Variants in WDR49 observed in about 807,000 individuals in gnomAD.
The protein encoded by WDR49 is WD repeat domain 49.
A neutral mutation model predicts 119.5 loss-of-function variants in WDR49; 107 were observed. The observed-to-expected ratio is 0.90, with a 90% CI of 0.77 to 1.05. The LOEUF is 1.05. Ranked by LOEUF, WDR49 falls within the 50% of genes least tolerant of loss-of-function variation. WDR49 has a pLI of 0.00. For missense variants in WDR49, 1,240 were observed against 1,220.5 expected, an observed-to-expected ratio of 1.02 and a Z score of -0.24; for synonymous variants, 425 against 418.8, an observed-to-expected ratio of 1.01 and a Z score of -0.18.
chr3:167,608,618 G>C (rs1716178307), intron 5 of WDR49, among the ~76,000 whole-genome samples: 1 of 152,102 alleles, frequency 6.6e-6, no homozygotes, highest in African/African-American at 2.4e-5. Flanking sequence ...AAAGGTGAGA[G>C]AAAAGCCATT....
intron 2 of WDR49, among the ~76,000 whole-genome samples, chr3:167,648,705 T>C (rs1194983692): frequency 1.3e-5 from 2 of 152,154 alleles, no homozygotes; most frequent in South Asian, 4.1e-4. Context: ...TGCTGGCCAA[T>C]GGGATGTGAG....
Position 167,560,206 on chromosome 3 carries a change from G to A in WDR49, c.1532C>T (p.Ser511Phe), listed in dbSNP as rs1390101312. Residue 511 changes from serine to phenylalanine, a missense_variant, in exon 9 of 19, where the codon TCT becomes TTT. By Grantham distance (155) the Ser-to-Phe change is radical. Transcript: ENST00000682715. ...LKQVISSDTG[S>F]TVSFWMIDTG... ...GTCTATCATCCAGAAGGAAACAGTA[G>A]ACCCTGTATCAGAGCTGATTACCTA... 1.2e-6 allele frequency: 2 copies of A among 1,614,064 alleles called. No individual in the cohort carries two copies. Among genetic ancestry groups the A allele is most frequent in the South Asian group, 2.2e-5 (2 of 91,070 alleles).
At position 167,620,604 on chromosome 3, in the gene WDR49, C is replaced by T; in HGVS notation, c.784-1G>A. The T allele has an allele frequency of 3.3e-6, 5 of 1,528,778 alleles. No homozygotes were observed. The highest frequency in any genetic ancestry group is 4.4e-6 in the Non-Finnish European group (5 of 1,142,562). 94.7% of individuals were successfully genotyped at this position (1,528,778 alleles called of 1,614,324 possible). On this transcript the variant is annotated splice_acceptor_variant, in intron 4 of 18. Coordinates refer to ENST00000682715, the MANE Select transcript of WDR49 (RefSeq NM_001366157.1). LOFTEE classifies it high-confidence loss of function. ...CTGCGGTGAAAGCAATTGCTTGAAC[C>T]TTGACAGAGACATTGAAAGAACAAC...
intron 7 of WDR49, among the ~76,000 whole-genome samples, chr3:167,595,141 C>T (rs997723157): frequency 2.0e-5 from 3 of 152,022 alleles, no homozygotes; most frequent in Non-Finnish European, 4.4e-5. Flanking sequence ...GAATAAAATA[C>T]TTAGGAATCT....
chr3:167,500,812 T>C (rs1751533424), intron 17 of WDR49, among the ~76,000 whole-genome samples: 1 of 152,224 alleles, frequency 6.6e-6, no homozygotes, highest in African/African-American at 2.4e-5. Flanking sequence ...AGGCAAAGTC[T>C]TGAACAAAGT....
chr3:167,529,334 T>G, intron 13 of WDR49, 95 bp from the exon 14 acceptor site: 1 of 1,163,970 alleles, frequency 8.6e-7, no homozygotes, highest in Non-Finnish European at 1.2e-6. Flanking sequence ...CATGTGATGT[T>G]GAAGAGGTGA....
Position 167,531,198 on chromosome 3 carries a change from C to T in WDR49, c.2135G>A (p.Arg712His), listed in dbSNP as rs199677479. 248 of 1,611,758 alleles carry T rather than the reference C, an allele frequency of 1.5e-4. No individual in the cohort carries two copies. The highest frequency in any genetic ancestry group is 1.9e-4 in the Non-Finnish European group (227 of 1,179,562). The change falls in exon 13 of 19, where the codon CGC (arginine) becomes CAC (histidine). Residue 712 changes from arginine to histidine, a missense_variant. Coordinates refer to ENST00000682715, the MANE Select transcript of WDR49 (RefSeq NM_001366157.1). ...GCCCTCAGTGTCAATCTCAAAGTTG[C>T]GGACTCCCGTGGTAGAATGGTCTGC... is the stretch of plus-strand genomic sequence containing the variant. The part of the protein sequence containing the change: ...PMADHSTTGV[R>H]NFEIDTEGKN...
intron 16 of WDR49, among the ~76,000 whole-genome samples, chr3:167,509,529 C>A (rs140505866): frequency 6.6e-6 from 1 of 152,076 alleles, no homozygotes; most frequent in African/African-American, 2.4e-5. Context: ...GATATCATAG[C>A]GACAGTTTTA....
Position 167,621,549 on chromosome 3 carries a change from C to G in WDR49, c.701G>C (p.Gly234Ala). 6 of 1,535,478 alleles carry G rather than the reference C, an allele frequency of 3.9e-6. No homozygotes were observed. Among genetic ancestry groups the G allele is most frequent in the Non-Finnish European group, 5.2e-6 (6 of 1,146,446 alleles). ...ACQYKLQGLKGTPICMDYWYD... is the reference protein window; with the variant it reads ...ACQYKLQGLKATPICMDYWYD... The stretch of plus-strand genomic sequence containing the variant: ...CCAATAATCCATGCAAATTGGTGTT[C>G]CTTTCAGGCCTTGGAGTTTGTATTG... The change falls in exon 4 of 19, where the codon GGA (glycine) becomes GCA (alanine). Residue 234 changes from glycine (G) to alanine (A), a missense_variant. Transcript: ENST00000682715.
intron 16 of WDR49, among the ~76,000 whole-genome samples, chr3:167,512,983 T>C (rs1752045126): frequency 6.6e-6 from 1 of 152,018 alleles, no homozygotes; most frequent in South Asian, 2.1e-4. Flanking sequence ...CTGATTGGGG[T>C]ACCTGCAAGA....
At chr3:167,550,796 A>C (rs1712513574) in intron 10 of WDR49, among the ~76,000 whole-genome samples, 1 of 148,824 alleles carries the variant, frequency 6.7e-6, no homozygotes, top group Non-Finnish European at 1.5e-5. Flanking sequence ...AGAGAGAGAG[A>C]GAGCTTTAAA....
intron 7 of WDR49, among the ~76,000 whole-genome samples, chr3:167,584,675 A>G (rs1376638039): frequency 6.6e-6 from 1 of 152,162 alleles, no homozygotes; most frequent in Admixed American, 6.5e-5. Flanking sequence ...GGCATTTCAA[A>G]TCAGTAGTAG....
At chr3:167,539,554 A>C (rs1164813989) in intron 10 of WDR49, among the ~76,000 whole-genome samples, 2 of 152,200 alleles carry the variant, frequency 1.3e-5, no homozygotes, top group African/African-American at 4.8e-5. Context: ...ATACAGTTTC[A>C]GCTCCTTGGC....
At chr3:167,546,132 C>T (rs1577230548) in intron 10 of WDR49, among the ~76,000 whole-genome samples, 1 of 151,800 alleles carries the variant, frequency 6.6e-6, no homozygotes, top group African/African-American at 2.4e-5. Flanking sequence ...TGCATTATCT[C>T]TCAGCCAAAA....
intron 18 of WDR49, among the ~76,000 whole-genome samples, chr3:167,482,395 A>T (rs1750747895): frequency 6.6e-6 from 1 of 151,932 alleles, no homozygotes; most frequent in Admixed American, 6.6e-5. Context: ...TGAGGCCAGG[A>T]GTGGTGACTC....
intron 10 of WDR49, among the ~76,000 whole-genome samples, chr3:167,537,625 T>C (rs563025762): frequency 4.5e-4 from 69 of 152,304 alleles, no homozygotes; most frequent in Admixed American, 9.2e-4. Context: ...GTCAGTATCT[T>C]CTGGCACTGC....
intron 9 of WDR49, among the ~76,000 whole-genome samples, chr3:167,557,798 T>C (rs1447456533): frequency 1.3e-5 from 2 of 151,454 alleles, no homozygotes; most frequent in Non-Finnish European, 2.9e-5. Context: ...CTTATAGATA[T>C]ACATATATGT....
In WDR49 at chr3:167,548,464, T is replaced by A. The variant is rs1352495879; in HGVS notation, c.1823+6186A>T. On this transcript the variant is annotated intron_variant, in intron 10 of 18. Transcript: ENST00000682715. ...TCACAAGGGGTAATCACTATATGAG[T>A]GGATTGCTGCAACTCTCCTGCAATG... 2.0e-5 allele frequency among the ~76,000 whole-genome samples: 3 copies of A among 152,104 alleles called. No individual in the cohort carries two copies. In the East Asian group the frequency reaches 5.8e-4, roughly 29 times the overall value.
intron 8 of WDR49, 108 bp from the exon 9 acceptor site, chr3:167,560,336 ACAGT>A (rs1713192832): frequency 9.2e-7 from 1 of 1,089,618 alleles, no homozygotes; most frequent in Non-Finnish European, 1.3e-6. Flanking sequence ...AGATCCCCCA[ACAGT>A]CAGAGACATT....
Sources: allele counts gnomAD v4.1 joint callset (sites outside exome capture counted in the v4.1 genomes callset), GRCh38; gene constraint gnomAD v4.1.1; transcripts MANE v1.5; gene names NCBI Gene and HGNC (gene_info 2026-07-23, HGNC 2026-07-21).